Variants in NONO observed in about 807,000 individuals in gnomAD.
The protein encoded by NONO is non-POU domain containing octamer binding.
A neutral mutation model predicts 40.2 loss-of-function variants in NONO; 6 were observed. The ratio of observed to expected loss-of-function variants is 0.15; its 90% CI spans 0.08 to 0.29. NONO has a LOEUF of 0.29. Among genes scored for constraint, NONO ranks in the 10% least tolerant of loss-of-function variants. The pLI, the probability that NONO is intolerant of heterozygous loss-of-function variation, is 1.00. For synonymous variants in NONO, 89 were observed against 123.3 expected (o/e 0.72, Z 1.85); for missense variants, 133 against 397.8 (o/e 0.33, Z 5.66).
At chrX:71,299,801 CA>C (rs2031536722) in intron 11 of NONO, 140 bp from the exon 12 acceptor site, 2 of 727,129 alleles carry the variant, frequency 2.8e-6, no homozygotes, top group Non-Finnish European at 4.0e-6. Context: ...GAGTTCTAAA[CA>C]GACTTAGTCA....
intron 11 of NONO, 53 bp downstream of exon 11, chrX:71,298,869 A>G: frequency 2.1e-6 from 2 of 973,592 alleles, no homozygotes. Flanking sequence ...TAGGAGGAGA[A>G]CAGGCATTGC....
At chrX:71,291,321 G>A (rs776920694) in intron 3 of NONO, among the ~76,000 whole-genome samples, 2 of 111,277 alleles carry the variant, frequency 1.8e-5, no homozygotes, top group South Asian at 7.4e-4. Context: ...TCATTCTGTT[G>A]CCCCCAGCCT....
chrX:71,297,073 A>C, intron 7 of NONO, 26 bp downstream of exon 7: 1 of 1,110,413 alleles, frequency 9.0e-7, no homozygotes, highest in Non-Finnish European at 1.2e-6. Flanking sequence ...TAAGTCTTAA[A>C]GCTGAAAGGA....
rs145755066 is a variant in NONO, at chrX:71,300,203, C to T, written c.*127C>T. 810 of 797,045 alleles carry T rather than the reference C, an allele frequency of 1.0e-3. No homozygotes were observed. In the African/African-American group the frequency reaches 0.015, roughly 15 times the overall value. 65.7% of individuals were successfully genotyped at this position (797,045 alleles called of 1,213,427 possible). A position where few individuals can be genotyped will look rare whatever the true frequency, so the allele number is the denominator to read the frequency against. On this transcript the variant is annotated 3_prime_UTR_variant, in exon 12 of 12. Coordinates refer to ENST00000276079, the MANE Select transcript of NONO (RefSeq NM_007363.5). ...TTAGATCTACCCTGCCTGTACTACT[C>T]TAGGGAGTATGCTGGAGGCAGAGGG...
Position 71,297,367 on chromosome X carries a change from G to A in NONO, c.944-10G>A. On this transcript the variant is annotated splice_polypyrimidine_tract_variant and intron_variant, in intron 7 of 11. Coordinates refer to ENST00000276079, the MANE Select transcript of NONO (RefSeq NM_007363.5). Reference sequence around the variant, plus strand: ...CAATGAGGAATATTCTTAGTCTGTTGTTTTTTTAGATTTGATGAGGCGCCA... The same window carrying A: ...CAATGAGGAATATTCTTAGTCTGTTATTTTTTTAGATTTGATGAGGCGCCA... The A allele has an allele frequency of 8.6e-7, 1 of 1,165,913 alleles. No individual in the cohort carries two copies. The highest frequency in any genetic ancestry group is 1.1e-6 in the Non-Finnish European group (1 of 869,619).
intron 4 of NONO, 89 bp from the exon 5 acceptor site, chrX:71,294,138 G>C: frequency 1.1e-6 from 1 of 891,894 alleles, no homozygotes; most frequent in Non-Finnish European, 1.6e-6. Flanking sequence ...TTTCCGGGGA[G>C]ATATTGAACT....
intron 2 of NONO, among the ~76,000 whole-genome samples, chrX:71,285,265 A>G (rs1270969841): frequency 4.5e-5 from 5 of 111,804 alleles, no homozygotes; most frequent in African/African-American, 3.3e-5. Flanking sequence ...ATCCCCAACT[A>G]TTTCCAGGGT....
chrX:71,292,082 G>A, intron 4 of NONO, 110 bp downstream of exon 4: 2 of 519,390 alleles, frequency 3.9e-6, no homozygotes, highest in South Asian at 1.2e-4. Flanking sequence ...TGTGTTCCTT[G>A]AAAGCTTGAT....
At chrX:71,291,734 A>G (rs1282550085) in intron 3 of NONO, 45 bp from the exon 4 acceptor site, 2 of 987,157 alleles carry the variant, frequency 2.0e-6, no homozygotes, top group African/African-American at 1.9e-5. Flanking sequence ...TACGACTATA[A>G]TTCTATTTCC....
intron 5 of NONO, 51 bp downstream of exon 5, chrX:71,294,579 A>G (rs372079355): frequency 2.7e-6 from 3 of 1,106,377 alleles, no homozygotes; most frequent in South Asian, 2.0e-5. Flanking sequence ...AATTCCTTCC[A>G]TGGTCTGGAG....
chrX:71,292,492 C>G (rs1274056162), intron 4 of NONO: 1 of 112,481 alleles, frequency 8.9e-6, no homozygotes, highest in Non-Finnish European at 1.9e-5. Context: ...GCCACTGCAC[C>G]TGGCTGGAAC....
In NONO at chrX:71,300,822, T is replaced by A; in HGVS notation, c.*746T>A. 6.0e-6 allele frequency: 1 copy of A among 166,248 alleles called. No homozygotes were observed. The highest frequency in any genetic ancestry group is 1.2e-5 in the Non-Finnish European group (1 of 85,537). The allele number at this position is 166,248 out of a possible 1,213,427, so 13.7% of individuals were successfully genotyped here. A position where few individuals can be genotyped will look rare whatever the true frequency, so the allele number is the denominator to read the frequency against. On this transcript the variant is annotated 3_prime_UTR_variant, in exon 12 of 12. Transcript: ENST00000276079. ...ACCCCTTCATGTCCTAAAGAAGACATTTTCTCTTAGAGATTTTCATTTTAG... is the reference window on the plus strand; with the variant it reads ...ACCCCTTCATGTCCTAAAGAAGACAATTTCTCTTAGAGATTTTCATTTTAG...
intron 2 of NONO, among the ~76,000 whole-genome samples, chrX:71,287,277 C>T (rs2148027919): frequency 9.0e-6 from 1 of 110,977 alleles, no homozygotes; most frequent in African/African-American, 3.3e-5. Flanking sequence ...GACGGGTTTT[C>T]ACCATGTTGG....
rs374240437 is a variant in NONO at position 71,283,683 on chromosome X, G to C, written c.-105G>C. On this transcript the variant is annotated 5_prime_UTR_variant, in exon 1 of 12. Transcript: ENST00000276079. Reference sequence around the variant, plus strand: ...TTCTCGGGACGGGAGAGGCCGTGTAGCGTCGCCGTTACTCCGAGGAGATAC... The same window carrying C: ...TTCTCGGGACGGGAGAGGCCGTGTACCGTCGCCGTTACTCCGAGGAGATAC... 9.0e-6 allele frequency: 1 copy of C among 111,565 alleles called. No individual in the cohort carries two copies. The highest frequency in any genetic ancestry group is 3.3e-5 in the African/African-American group (1 of 30,631). The allele number at this position is 111,565 out of a possible 1,213,427, so 9.2% of individuals were successfully genotyped here. A position where few individuals can be genotyped will look rare whatever the true frequency, so the allele number is the denominator to read the frequency against.
intron 4 of NONO, 63 bp downstream of exon 4, chrX:71,292,035 TG>T: frequency 1.3e-6 from 1 of 793,083 alleles, no homozygotes; most frequent in Non-Finnish European, 1.8e-6. Flanking sequence ...GAATAATAGA[TG>T]TGCAAAAATA....
In NONO at chrX:71,300,047, T is replaced by C. The variant is rs368522598; in HGVS notation, c.1387T>C (p.Phe463Leu). The change falls in exon 12 of 12, where the codon TTT becomes CTT. Residue 463 changes from phenylalanine to leucine, a missense_variant. By Grantham distance (22) the Phe-to-Leu change is conservative (BLOSUM62 0). Transcript: ENST00000276079. Reference sequence around the variant, plus strand: ...CAACCGTGCAGCTCCTGGAGCTGAATTTGCCCCAAACAAACGTCGCCGATA... The same window carrying C: ...CAACCGTGCAGCTCCTGGAGCTGAACTTGCCCCAAACAAACGTCGCCGATA... ...AFNRAAPGAEFAPNKRRRY is the reference protein window; with the variant it reads ...AFNRAAPGAELAPNKRRRY 9.1e-6 allele frequency: 11 copies of C among 1,209,447 alleles called. No individual in the cohort carries two copies.
chrX:71,288,128 T>TC (rs2031241497), intron 2 of NONO, among the ~76,000 whole-genome samples: 1 of 91,083 alleles, frequency 1.1e-5, no homozygotes, highest in South Asian at 5.6e-4. Flanking sequence ...TCTTTTTTTT[T>TC]TTTTTTTTTT....
At chrX:71,286,943 C>T (rs1474432114) in intron 2 of NONO, among the ~76,000 whole-genome samples, 2 of 111,688 alleles carry the variant, frequency 1.8e-5, no homozygotes, top group Non-Finnish European at 3.8e-5. Flanking sequence ...TTAATGTTTT[C>T]AGTTTTGGTG....
intron 5 of NONO, among the ~76,000 whole-genome samples, chrX:71,295,148 G>A (rs958256371): frequency 9.3e-6 from 1 of 107,697 alleles, no homozygotes; most frequent in African/African-American, 3.4e-5. Context: ...CTTGAACCTG[G>A]AAGGCAGAGG....
Sources: allele counts gnomAD v4.1 joint callset (sites outside exome capture counted in the v4.1 genomes callset), GRCh38; gene constraint gnomAD v4.1.1; transcripts MANE v1.5; gene names NCBI Gene and HGNC (gene_info 2026-07-23, HGNC 2026-07-21).